MINDY4: variants seen among roughly 807,000 people sequenced by gnomAD.
The protein encoded by MINDY4 is MINDY lysine 48 deubiquitinase 4.
A neutral mutation model predicts 87.0 loss-of-function variants in MINDY4; 68 were observed. The observed-to-expected ratio is 0.78, with a 90% CI of 0.64 to 0.96. The LOEUF (loss-of-function observed/expected upper bound fraction) is 0.96, where lower values mean the gene tolerates loss of function less well. Among genes scored for constraint, MINDY4 ranks in the 40% least tolerant of loss-of-function variants. The pLI is 0.00. For synonymous variants in MINDY4, 379 were observed against 363.2 expected (o/e 1.04, Z -0.50); for missense variants, 919 against 928.2 (o/e 0.99, Z 0.13).
chr7:30,849,417 C>G (rs1033598524), intron 9 of MINDY4, among the ~76,000 whole-genome samples: 1 of 152,172 alleles, frequency 6.6e-6, no homozygotes, highest in Non-Finnish European at 1.5e-5. Context: ...AAGTACACCT[C>G]GAAGGAGTCC....
intron 9 of MINDY4, 32 bp from the exon 10 acceptor site, chr7:30,850,422 G>A (rs62449090): frequency 0.11 from 180,338 of 1,580,490 alleles, 11,150 homozygotes; most frequent in Middle Eastern, 0.13. Flanking sequence ...GTGTCCACAT[G>A]GGCATAAATG....
At chr7:30,841,492 A>G (rs1369435726) in intron 9 of MINDY4, among the ~76,000 whole-genome samples, 1 of 152,220 alleles carries the variant, frequency 6.6e-6, no homozygotes, top group African/African-American at 2.4e-5. Flanking sequence ...CCAAGATGAA[A>G]GGATTGGCAG....
chr7:30,793,223 A>C (rs1483856381), intron 5 of MINDY4, among the ~76,000 whole-genome samples: 3 of 150,570 alleles, frequency 2.0e-5, no homozygotes, highest in Non-Finnish European at 3.0e-5. Flanking sequence ...ATTTCCTTCT[A>C]GTATATAGTT....
At chr7:30,776,542 G>GT (rs1562527230) in intron 1 of MINDY4, among the ~76,000 whole-genome samples, 1 of 152,116 alleles carries the variant, frequency 6.6e-6, no homozygotes, top group African/African-American at 2.4e-5. Context: ...CCCCTATAGA[G>GT]TGCAAGCTCC....
intron 5 of MINDY4, among the ~76,000 whole-genome samples, chr7:30,796,126 T>C (rs1787480159): frequency 1.3e-5 from 2 of 152,190 alleles, no homozygotes; most frequent in South Asian, 2.1e-4. Flanking sequence ...CTGTACTTTT[T>C]TTTTTTTTGT....
intron 13 of MINDY4, among the ~76,000 whole-genome samples, chr7:30,871,042 T>C (rs549009741): frequency 6.6e-6 from 1 of 151,586 alleles, no homozygotes; most frequent in African/African-American, 2.4e-5. Context: ...GGGTTGTGTG[T>C]ACCCCCCTGG....
intron 2 of MINDY4, among the ~76,000 whole-genome samples, chr7:30,779,163 G>A (rs962068563): frequency 6.6e-6 from 1 of 152,100 alleles, no homozygotes; most frequent in East Asian, 1.9e-4. Flanking sequence ...TCCTGTTTTT[G>A]TGTTTATCAC....
chr7:30,794,131 T>C (rs141690752), intron 5 of MINDY4, among the ~76,000 whole-genome samples: 1 of 152,288 alleles, frequency 6.6e-6, no homozygotes, highest in African/African-American at 2.4e-5. Context: ...CTCTACACAG[T>C]GCTCTTGATT....
chr7:30,892,136 A>G lies in MINDY4; in HGVS notation c.*131A>G. The G allele has an allele frequency of 3.1e-6, 3 of 953,726 alleles. No homozygotes were observed. The highest frequency in any genetic ancestry group is 3.3e-6 in the Non-Finnish European group (2 of 599,994). 59.1% of individuals were successfully genotyped at this position (953,726 alleles called of 1,614,324 possible). On this transcript the variant is annotated 3_prime_UTR_variant, in exon 18 of 18. Transcript: ENST00000265299. The stretch of plus-strand genomic sequence containing the variant: ...GGTCAGCATGACTGCAGAAGCATCC[A>G]GAGCCTCCCTGCCCCTTCCATGAAG...
At chr7:30,848,721 C>T (rs189627232) in intron 9 of MINDY4, among the ~76,000 whole-genome samples, 10 of 152,260 alleles carry the variant, frequency 6.6e-5, no homozygotes, top group Admixed American at 4.6e-4. Context: ...ACATGATGGG[C>T]TTCCTGAGGC....
intron 15 of MINDY4, among the ~76,000 whole-genome samples, chr7:30,877,828 T>TC (rs1281757972): frequency 3.7e-5 from 2 of 54,708 alleles, no homozygotes; most frequent in Non-Finnish European, 5.6e-5. Flanking sequence ...CATGCTTTTT[T>TC]TTTTTTTTTT....
intron 1 of MINDY4, 22 bp from the exon 2 acceptor site, chr7:30,778,410 C>T (rs185223356): frequency 4.2e-5 from 67 of 1,614,046 alleles, no homozygotes; most frequent in Middle Eastern, 1.7e-4. Context: ...TGGTAAACAG[C>T]GATTCAGCTT....
chr7:30,801,011 G>A (rs1368715559), intron 5 of MINDY4, among the ~76,000 whole-genome samples: 1 of 152,200 alleles, frequency 6.6e-6, no homozygotes, highest in South Asian at 2.1e-4. Context: ...AGCAGTCCAG[G>A]GGGAGAGAGA....
At chr7:30,817,074 A>G (rs956043872) in intron 5 of MINDY4, among the ~76,000 whole-genome samples, 12 of 152,168 alleles carry the variant, frequency 7.9e-5, no homozygotes, top group African/African-American at 2.9e-4. Context: ...GTGAATATCC[A>G]GTGGCCAAGG....
intron 9 of MINDY4, among the ~76,000 whole-genome samples, chr7:30,845,156 C>T (rs757273354): frequency 1.3e-4 from 20 of 152,154 alleles, no homozygotes; most frequent in Non-Finnish European, 2.8e-4. Flanking sequence ...TTTTAGACTT[C>T]CATCGCTGGA....
In MINDY4 at chr7:30,829,205, C is replaced by T. The variant is rs1788620318; in HGVS notation, c.1132+468C>T. Reference sequence around the variant, plus strand: ...TTAAGTGCCCTGGTCTGCATCTTCACTTCTGTGTACATCTGTGTAACTGCT... The same window carrying T: ...TTAAGTGCCCTGGTCTGCATCTTCATTTCTGTGTACATCTGTGTAACTGCT... On this transcript the variant is annotated intron_variant, in intron 6 of 17. Coordinates refer to ENST00000265299, the MANE Select transcript of MINDY4 (RefSeq NM_032222.3). Among the ~76,000 whole-genome samples, 4 of 152,236 alleles carry T rather than the reference C, an allele frequency of 2.6e-5. No homozygotes were observed. The South Asian group carries it at 8.3e-4, about 32-fold the overall frequency.
chr7:30,853,477 C>T lies in MINDY4; in HGVS notation c.1677+18C>T, dbSNP rs777809030. ...TTCATCAGGTATGAAGCATGCCTTA[C>T]TCCTGTGGGATGTGCGTCACTAAGC... On this transcript the variant is annotated intron_variant, in intron 12 of 17. Coordinates refer to ENST00000265299, the MANE Select transcript of MINDY4 (RefSeq NM_032222.3). The T allele has an allele frequency of 8.8e-6, 14 of 1,591,990 alleles. No homozygotes were observed. Among genetic ancestry groups the T allele is most frequent in the Non-Finnish European group, 1.2e-5 (14 of 1,162,542 alleles).
At chr7:30,889,700 A>G (rs1328996989) in intron 17 of MINDY4, among the ~76,000 whole-genome samples, 2 of 152,222 alleles carry the variant, frequency 1.3e-5, no homozygotes, top group African/African-American at 4.8e-5. Flanking sequence ...GCACTTGGAT[A>G]GCATAGAAGC....
chr7:30,880,299 C>T (rs1448872125), intron 15 of MINDY4, among the ~76,000 whole-genome samples: 1 of 135,638 alleles, frequency 7.4e-6, no homozygotes, highest in African/African-American at 3.2e-5. Flanking sequence ...GGCCCTCCCC[C>T]GCACCCCCCC....
Sources: allele counts gnomAD v4.1 joint callset (sites outside exome capture counted in the v4.1 genomes callset), GRCh38; gene constraint gnomAD v4.1.1; transcripts MANE v1.5; gene names NCBI Gene and HGNC (gene_info 2026-07-23, HGNC 2026-07-21).